The following NR4A1 variants were observed in gnomAD, a reference collection of about 807,000 sequenced individuals.
NR4A1 encodes the protein nuclear receptor subfamily 4immunitygroup A member 1.
Under a neutral mutation model 47.5 loss-of-function variants are expected in NR4A1, and 24 were observed. The ratio of observed to expected loss-of-function variants is 0.50; its 90% confidence interval spans 0.37 to 0.71. The LOEUF is 0.71. Ranked by LOEUF, NR4A1 falls within the 30% of genes least tolerant of loss-of-function variation. NR4A1 has a pLI of 0.00. For synonymous variants in NR4A1, 353 were observed against 345.7 expected (o/e 1.02, Z -0.24); for missense variants, 669 against 788.6 (o/e 0.85, Z 1.82).
Position 52,059,040 on chromosome 12 carries a change from T to C in NR4A1, c.*96T>C, listed in dbSNP as rs1315547813. On this transcript the variant is annotated 3_prime_UTR_variant, in exon 7 of 7. Coordinates refer to ENST00000394825, the MANE Select transcript of NR4A1 (RefSeq NM_173157.3). ...CCCCAGAGCACCCCCAAGCCTGGGC[T>C]TGAGCTGCAGAATGACTCCACCTTC... is the stretch of plus-strand genomic sequence containing the variant. 6 of 1,430,792 alleles carry C rather than the reference T, an allele frequency of 4.2e-6. No individual in the cohort carries two copies. The highest frequency in any genetic ancestry group is 5.6e-6 in the Non-Finnish European group (6 of 1,067,128). The allele number at this position is 1,430,792 out of a possible 1,614,324, so 88.6% of individuals were successfully genotyped here. A position where few individuals can be genotyped will look rare whatever the true frequency, so the allele number is the denominator to read the frequency against.
chr12:52,051,429 G>A, upstream of NR4A1: 37 of 985,600 alleles, frequency 3.8e-5, no homozygotes, highest in Non-Finnish European at 4.3e-5. Flanking sequence ...AGGAGGGTCG[G>A]GCTCGGCCGG....
intron 2 of NR4A1, 74 bp from the exon 3 acceptor site, chr12:52,055,956 C>T (rs1193974878): frequency 7.7e-6 from 6 of 775,800 alleles, no homozygotes; most frequent in Non-Finnish European, 1.2e-5. Context: ...AGGATCTGGA[C>T]GGTCCCCTCC....
In NR4A1 at chr12:52,058,712, G is replaced by A. The variant is rs962010279; in HGVS notation, c.1565G>A (p.Arg522Gln). 17 of 1,605,832 alleles carry A rather than the reference G, an allele frequency of 1.1e-5. No individual in the cohort carries two copies. In the African/African-American group the frequency reaches 1.2e-4, roughly 11 times the overall value. Residue 522 changes from arginine (R) to glutamine (Q), a missense_variant, in exon 7 of 7, where the codon CGG becomes CAG. Arg to Gln is a conservative substitution (Grantham distance 43, BLOSUM62 1). Coordinates refer to ENST00000394825, the MANE Select transcript of NR4A1 (RefSeq NM_173157.3). ...GACCGGCATGGGCTGCAGGAGCCGC[G>A]GCGGGTGGAGGAGCTGCAGAACCGC... ...ITDRHGLQEP[R>Q]RVEELQNRIA...
At position 52,056,016 on chromosome 12, in the gene NR4A1, G is replaced by GC. The variant is rs570698689; in HGVS notation, c.877-7dup. ...ACACTCTGACAGCTTGTTCCGTGTT[G>GC]CCCCCCCACCCAGCGCACAGTGCAG... On this transcript the variant is annotated splice_polypyrimidine_tract_variant and intron_variant, in intron 2 of 6. Transcript: ENST00000394825. The GC allele has an allele frequency of 2.0e-4, 182 of 906,352 alleles. No individual in the cohort carries two copies. The highest frequency in any genetic ancestry group is 2.0e-3 in the Middle Eastern group (7 of 3,546). 56.1% of individuals were successfully genotyped at this position (906,352 alleles called of 1,614,324 possible). A position where few individuals can be genotyped will look rare whatever the true frequency, so the allele number is the denominator to read the frequency against.
rs149908785 is a variant in NR4A1, at chr12:52,054,448, C to T, written c.120C>T (p.Pro40=). ...AGCCCACCATGGACCTGGCCAGCCC[C>T]GAGGCAGCCCCCGCTGCCCCCACTG... The part of the protein sequence containing the change: ...FIKPTMDLAS[P]EAAPAAPTAL... Residue 40 remains proline (P), a synonymous_variant, in exon 2 of 7, where the codon CCC becomes CCT. Coordinates refer to ENST00000394825, the MANE Select transcript of NR4A1 (RefSeq NM_173157.3). 754 of 1,613,756 alleles carry T rather than the reference C, an allele frequency of 4.7e-4. 2 individuals are homozygous for T. In the African/African-American group the frequency reaches 8.8e-3, roughly 19 times the overall value.
intron 1 of NR4A1, 185 bp from the exon 2 acceptor site, chr12:52,054,142 A>T: frequency 1.7e-6 from 1 of 587,750 alleles, no homozygotes; most frequent in East Asian, 2.8e-5. Flanking sequence ...TGTGGCACCT[A>T]GGTCGAGATG....
upstream of NR4A1, among the ~76,000 whole-genome samples, chr12:52,046,669 C>T (rs558809823): frequency 6.6e-6 from 1 of 152,288 alleles, no homozygotes; most frequent in South Asian, 2.1e-4. Context: ...ACGTTCCTCT[C>T]ATTCAGGCGT....
intron 1 of NR4A1, among the ~76,000 whole-genome samples, chr12:52,040,145 T>C (rs1938379915): frequency 6.6e-6 from 1 of 152,208 alleles, no homozygotes; most frequent in South Asian, 2.1e-4. Flanking sequence ...TGCTCATTCT[T>C]GCCTCTCCTG....
rs371588418 is a variant in NR4A1 at position 52,054,748 on chromosome 12, G to A, written c.420G>A (p.Ser140=). The A allele has an allele frequency of 1.2e-5, 19 of 1,612,210 alleles. No homozygotes were observed. Among genetic ancestry groups the A allele is most frequent in the South Asian group, 5.5e-5 (5 of 91,064 alleles). ...DYYGSPCSAP[S]PSTPSFQPPQ... The stretch of plus-strand genomic sequence containing the variant: ...ATGGCAGCCCCTGCTCGGCCCCGTC[G>A]CCCTCCACGCCCAGCTTCCAGCCGC... Residue 140 remains serine (S), a synonymous_variant, in exon 2 of 7, where the codon TCG becomes TCA. Coordinates refer to ENST00000394825, the MANE Select transcript of NR4A1 (RefSeq NM_173157.3).
At chr12:52,055,269 G>T in intron 2 of NR4A1, 65 bp downstream of exon 2, 2 of 1,586,392 alleles carry the variant, frequency 1.3e-6, no homozygotes, top group Non-Finnish European at 1.7e-6. Context: ...CATCCCATTG[G>T]GACCTGTGGT....
intron 1 of NR4A1, chr12:52,052,495 G>A: frequency 1.0e-6 from 1 of 985,516 alleles, no homozygotes; most frequent in Non-Finnish European, 1.2e-6. Context: ...GGATCTTACA[G>A]GTAGGGTGCA....
chr12:52,047,210 T>C (rs1436277488), upstream of NR4A1, among the ~76,000 whole-genome samples: 1 of 152,212 alleles, frequency 6.6e-6, no homozygotes, highest in Non-Finnish European at 1.5e-5. Context: ...GACCTTGTTC[T>C]TGAAGGTTAG....
upstream of NR4A1, among the ~76,000 whole-genome samples, chr12:52,050,726 C>T (rs574368937): frequency 1.3e-5 from 2 of 152,326 alleles, no homozygotes; most frequent in African/African-American, 4.8e-5. Flanking sequence ...CTCTAACTGA[C>T]GTCTCAGGGG....
At chr12:52,041,655 C>A in intron 1 of NR4A1, 1 of 833,310 alleles carries the variant, frequency 1.2e-6, no homozygotes. Context: ...GGCTCCAATG[C>A]CTAACCCGGG....
chr12:52,033,551 C>T (rs1045346440), intron 1 of NR4A1, among the ~76,000 whole-genome samples: 17 of 152,210 alleles, frequency 1.1e-4, no homozygotes, highest in African/African-American at 2.7e-4. Flanking sequence ...TGGCCACTTT[C>T]TCTTGGGGCC....
chr12:52,032,268 C>A (rs968574813), intron 1 of NR4A1, among the ~76,000 whole-genome samples: 1 of 152,122 alleles, frequency 6.6e-6, no homozygotes, highest in Non-Finnish European at 1.5e-5. Flanking sequence ...CTGTTAAGGA[C>A]CTGAATAGAA....
At chr12:52,039,265 C>T (rs1938351580) in intron 1 of NR4A1, among the ~76,000 whole-genome samples, 1 of 152,182 alleles carries the variant, frequency 6.6e-6, no homozygotes, top group East Asian at 1.9e-4. Context: ...AATATGCCCA[C>T]TTCTGGGTAG....
intron 1 of NR4A1, among the ~76,000 whole-genome samples, chr12:52,026,327 G>A (rs1205988069): frequency 6.6e-6 from 1 of 152,174 alleles, no homozygotes; most frequent in Non-Finnish European, 1.5e-5. Context: ...AATGAAGGTG[G>A]GAATTAAGAC....
At chr12:52,029,492 A>T (rs1312876106) in intron 1 of NR4A1, among the ~76,000 whole-genome samples, 1 of 152,162 alleles carries the variant, frequency 6.6e-6, no homozygotes, top group Non-Finnish European at 1.5e-5. Flanking sequence ...GTTTGAGACC[A>T]GCCTGGGCAA....
Sources: gnomAD v4.1 joint callset for allele counts (sites outside exome capture counted in the v4.1 genomes callset) on GRCh38, gnomAD v4.1.1 for gene constraint, MANE v1.5 for transcripts, NCBI Gene and HGNC (gene_info 2026-07-23, HGNC 2026-07-21) for gene names.